The following ZNF503 variants were observed in gnomAD, a reference collection of about 807,000 sequenced individuals.
The protein encoded by ZNF503 is zinc finger protein 503, also known as NocA-like zinc finger 2.
Under a neutral mutation model 34.4 loss-of-function variants are expected in ZNF503, and 15 were observed. That is an observed-to-expected ratio of 0.44 (90% CI 0.29 to 0.67). The LOEUF (loss-of-function observed/expected upper bound fraction) is 0.67. Ranked by LOEUF, ZNF503 falls within the 30% of genes least tolerant of loss-of-function variation. The pLI, the probability that ZNF503 is intolerant of heterozygous loss-of-function variation, is 0.13. For synonymous variants in ZNF503, 580 were observed against 456.8 expected, an observed-to-expected ratio of 1.27 and a Z score of -3.44; for missense variants, 1,007 against 926.8, an observed-to-expected ratio of 1.09 and a Z score of -1.12.
the ZNF503 span, among the ~76,000 whole-genome samples, chr10:75,328,065 T>G: frequency 6.6e-6 from 1 of 152,186 alleles, no homozygotes; most frequent in African/African-American, 2.4e-5. Flanking sequence ...TTCACTCTGT[T>G]AATTGTTTCC....
the ZNF503 span, among the ~76,000 whole-genome samples, chr10:75,379,940 G>A: frequency 2.6e-5 from 4 of 151,844 alleles, no homozygotes; most frequent in East Asian, 1.9e-4. Context: ...GGGGTGGGAG[G>A]GGGTGCACGC....
At chr10:75,305,760 C>A in the ZNF503 span, among the ~76,000 whole-genome samples, 10 of 152,124 alleles carry the variant, frequency 6.6e-5, no homozygotes, top group Admixed American at 1.3e-4. Flanking sequence ...TGGAATCATA[C>A]AATATTTATC....
chr10:75,354,167 A>G, the ZNF503 span, among the ~76,000 whole-genome samples: 2 of 152,244 alleles, frequency 1.3e-5, no homozygotes, highest in South Asian at 4.1e-4. Flanking sequence ...AAAATGCAGC[A>G]GGTGGCTGCA....
chr10:75,292,472 T>C, the ZNF503 span, among the ~76,000 whole-genome samples: 1 of 152,226 alleles, frequency 6.6e-6, no homozygotes, highest in Non-Finnish European at 1.5e-5. Context: ...ATACATTGGC[T>C]TCTTCCAGAT....
the ZNF503 span, among the ~76,000 whole-genome samples, chr10:75,330,292 C>A: frequency 6.6e-6 from 1 of 152,146 alleles, no homozygotes; most frequent in African/African-American, 2.4e-5. Context: ...CTGTCTTCAT[C>A]AGGGAGATTG....
At chr10:75,307,695 G>A in the ZNF503 span, among the ~76,000 whole-genome samples, 1 of 152,228 alleles carries the variant, frequency 6.6e-6, no homozygotes, top group East Asian at 1.9e-4. Flanking sequence ...GGAAAGGCAG[G>A]CTGACTCTCT....
At chr10:75,281,227 T>C in the ZNF503 span, among the ~76,000 whole-genome samples, 3 of 152,112 alleles carry the variant, frequency 2.0e-5, no homozygotes, top group African/African-American at 7.2e-5. Context: ...TGTGACCTAG[T>C]TTGCACCCGG....
the ZNF503 span, chr10:75,350,321 T>G: frequency 1.3e-5 from 2 of 152,096 alleles, no homozygotes; most frequent in Non-Finnish European, 2.9e-5. Flanking sequence ...AACTGAACAC[T>G]TTGGGGAGTG....
In ZNF503 at chr10:75,398,425, T is replaced by C. The variant is rs1341633921; in HGVS notation, c.*324A>G. On this transcript the variant is annotated 3_prime_UTR_variant, in exon 2 of 2. Coordinates refer to ENST00000372524, the MANE Select transcript of ZNF503 (RefSeq NM_032772.6). ...CCGGTCCGCTTGGAGCTAACATAAA[T>C]AAATACCAGTGTCCACCGATGCAGT... 1 of 231,502 alleles carries C rather than the reference T, an allele frequency of 4.3e-6. No homozygotes were observed. Among genetic ancestry groups the C allele is most frequent in the Non-Finnish European group, 8.3e-6 (1 of 120,406 alleles). 14.3% of individuals were successfully genotyped at this position (231,502 alleles called of 1,614,324 possible).
the ZNF503 span, among the ~76,000 whole-genome samples, chr10:75,286,436 C>T: frequency 3.3e-5 from 5 of 152,146 alleles, no homozygotes; most frequent in African/African-American, 9.7e-5. Flanking sequence ...TCTATGAGCC[C>T]CACTGGCATG....
the ZNF503 span, among the ~76,000 whole-genome samples, chr10:75,383,275 A>G: frequency 6.6e-6 from 1 of 152,164 alleles, no homozygotes; most frequent in Non-Finnish European, 1.5e-5. Context: ...GGGCTGGGGA[A>G]AAACCAGAAT....
chr10:75,348,397 C>T, the ZNF503 span, among the ~76,000 whole-genome samples: 7 of 151,754 alleles, frequency 4.6e-5, no homozygotes, highest in Admixed American at 1.3e-4. Flanking sequence ...AAGGTTTCAC[C>T]GTGTTGACCA....
At chr10:75,333,573 GCCGGGCGGGGGGCTGA>G in the ZNF503 span, among the ~76,000 whole-genome samples, 2 of 83,774 alleles carry the variant, frequency 2.4e-5, no homozygotes, top group African/African-American at 5.6e-5. Flanking sequence ...GGGGCAGCTG[GCCGGGCGGGGGGCTGA>G]CCCCCCCACC....
chr10:75,346,597 G>A, the ZNF503 span, among the ~76,000 whole-genome samples: 1 of 151,268 alleles, frequency 6.6e-6, no homozygotes, highest in Non-Finnish European at 1.5e-5. Context: ...GTGCCACCAT[G>A]CCCAGCTAAC....
the ZNF503 span, among the ~76,000 whole-genome samples, chr10:75,290,807 C>T: frequency 6.6e-6 from 1 of 152,136 alleles, no homozygotes; most frequent in African/African-American, 2.4e-5. Flanking sequence ...CCCTGAAAGC[C>T]CAACATCCAT....
the ZNF503 span, among the ~76,000 whole-genome samples, chr10:75,390,298 ATC>A: frequency 2.9e-4 from 42 of 144,900 alleles, no homozygotes; most frequent in African/African-American, 1.0e-3. Context: ...CTTTATTTCC[ATC>A]TCTCTTTCCC....
chr10:75,317,982 C>T, the ZNF503 span, among the ~76,000 whole-genome samples: 24 of 151,898 alleles, frequency 1.6e-4, no homozygotes, highest in Admixed American at 1.3e-3. Flanking sequence ...GGCAACAGAG[C>T]GAGACTCTGT....
chr10:75,368,431 A>G, the ZNF503 span, among the ~76,000 whole-genome samples: 3 of 152,212 alleles, frequency 2.0e-5, no homozygotes, highest in South Asian at 2.1e-4. Flanking sequence ...GAATAGACAG[A>G]TAAGATGAAA....
the ZNF503 span, among the ~76,000 whole-genome samples, chr10:75,296,135 C>T: frequency 6.6e-6 from 1 of 152,216 alleles, no homozygotes; most frequent in Non-Finnish European, 1.5e-5. Context: ...TCTCTGAGGT[C>T]ATGTCTAGGA....
Sources: allele counts gnomAD v4.1 joint callset (sites outside exome capture counted in the v4.1 genomes callset), GRCh38; gene constraint gnomAD v4.1.1; transcripts MANE v1.5; gene names NCBI Gene and HGNC (gene_info 2026-07-23, HGNC 2026-07-21).